Variants in GOLPH3 observed in about 807,000 individuals in gnomAD.
The protein encoded by GOLPH3 is coat protein GPP34.
GOLPH3 carries 14 observed loss-of-function variants against 28.5 expected under a neutral mutation model. The observed-to-expected ratio is 0.49, with a 90% CI of 0.32 to 0.77. The LOEUF (loss-of-function observed/expected upper bound fraction) is 0.77, where lower values mean the gene tolerates loss of function less well. GOLPH3 is among the 30% of genes least tolerant of loss of function. The pLI, the probability that GOLPH3 is intolerant of heterozygous loss-of-function variation, is 0.03. For synonymous variants in GOLPH3, 158 were observed against 159.2 expected, an observed-to-expected ratio of 0.99 and a Z score of 0.06; for missense variants, 350 against 393.7, an observed-to-expected ratio of 0.89 and a Z score of 0.94.
intron 1 of GOLPH3, chr5:32,173,601 G>C (rs1581562418): frequency 1.3e-5 from 5 of 380,642 alleles, no homozygotes; most frequent in South Asian, 1.1e-4. Context: ...CCATCTCTAC[G>C]GGGAGGATCC....
At chr5:32,151,234 T>A (rs957234901) in intron 1 of GOLPH3, among the ~76,000 whole-genome samples, 5 of 150,886 alleles carry the variant, frequency 3.3e-5, no homozygotes, top group East Asian at 2.0e-4. Flanking sequence ...TTTTTTTTTT[T>A]AATATTTTGA....
intron 2 of GOLPH3, among the ~76,000 whole-genome samples, chr5:32,142,580 G>A (rs1188450574): frequency 5.3e-4 from 70 of 132,292 alleles, no homozygotes; most frequent in African/African-American, 1.8e-3. Context: ...CCGGCCAGCC[G>A]CCCTGTCCGG....
At chr5:32,140,892 T>C (rs932661176) in intron 2 of GOLPH3, among the ~76,000 whole-genome samples, 3 of 151,792 alleles carry the variant, frequency 2.0e-5, no homozygotes, top group Admixed American at 6.6e-5. Context: ...CTGGGCATGA[T>C]AGCTCACGCC....
chr5:32,141,751 G>A (rs1156759257), intron 2 of GOLPH3, among the ~76,000 whole-genome samples: 3 of 152,140 alleles, frequency 2.0e-5, no homozygotes, highest in Non-Finnish European at 4.4e-5. Flanking sequence ...GCAGGCGCGC[G>A]CCGCCACGCC....
chr5:32,166,813 A>AG (rs1746723322), intron 1 of GOLPH3, among the ~76,000 whole-genome samples: 1 of 152,032 alleles, frequency 6.6e-6, no homozygotes, highest in African/African-American at 2.4e-5. Context: ...ATCTTAAAAA[A>AG]AAAAAAAAAG....
intron 1 of GOLPH3, among the ~76,000 whole-genome samples, chr5:32,166,807 TAAA>T (rs79462316): frequency 1.5e-5 from 2 of 135,950 alleles, no homozygotes; most frequent in African/African-American, 2.7e-5. Context: ...GACTCCATCT[TAAA>T]AAAAAAAAAA....
intron 1 of GOLPH3, among the ~76,000 whole-genome samples, chr5:32,153,276 A>G (rs1033270603): frequency 1.3e-5 from 2 of 152,216 alleles, no homozygotes; most frequent in Non-Finnish European, 2.9e-5. Flanking sequence ...GAATATACGT[A>G]TAGTTTTGCT....
intron 2 of GOLPH3, among the ~76,000 whole-genome samples, chr5:32,139,012 C>T (rs1339825634): frequency 6.6e-6 from 1 of 152,234 alleles, no homozygotes; most frequent in African/African-American, 2.4e-5. Flanking sequence ...AGCTCGCCCA[C>T]GCACATCCGT....
intron 1 of GOLPH3, among the ~76,000 whole-genome samples, chr5:32,164,484 C>G (rs1196141344): frequency 1.3e-5 from 2 of 151,898 alleles, no homozygotes; most frequent in African/African-American, 4.8e-5. Flanking sequence ...AGCTCCGCCT[C>G]CCGGGTTCAC....
chr5:32,151,781 C>A (rs1312846502), intron 1 of GOLPH3, among the ~76,000 whole-genome samples: 4 of 152,168 alleles, frequency 2.6e-5, no homozygotes. Flanking sequence ...AATTCTGATA[C>A]ACAGATCTAT....
chr5:32,126,819 C>T (rs912336891), intron 3 of GOLPH3, among the ~76,000 whole-genome samples, 183 bp from the exon 4 acceptor site: 14 of 152,162 alleles, frequency 9.2e-5, no homozygotes, highest in Non-Finnish European at 1.8e-4. Flanking sequence ...GGATTCTAAG[C>T]ACCCAGCACA....
chr5:32,154,839 C>T (rs113944078), intron 1 of GOLPH3, among the ~76,000 whole-genome samples: 9,221 of 152,180 alleles, frequency 0.061, 626 homozygotes, highest in African/African-American at 0.16. Flanking sequence ...AATCCCAGTA[C>T]TTTGGGAGGC....
At chr5:32,169,729 C>T (rs561440142) in intron 1 of GOLPH3, among the ~76,000 whole-genome samples, 34 of 152,280 alleles carry the variant, frequency 2.2e-4, no homozygotes, top group African/African-American at 7.9e-4. Context: ...GTCCCTCCCC[C>T]TCAAACACTG....
chr5:32,171,974 G>A (rs1746847407), intron 1 of GOLPH3, among the ~76,000 whole-genome samples: 1 of 151,874 alleles, frequency 6.6e-6, no homozygotes, highest in Non-Finnish European at 1.5e-5. Flanking sequence ...AAAGACAAAT[G>A]TTTATAATCA....
At chr5:32,147,499 A>C (rs1334088782) in intron 1 of GOLPH3, among the ~76,000 whole-genome samples, 1 of 152,104 alleles carries the variant, frequency 6.6e-6, no homozygotes, top group African/African-American at 2.4e-5. Context: ...AATTATTATG[A>C]AATCGTGTGT....
At chr5:32,143,944 A>G (rs1465395709) in intron 1 of GOLPH3, 64 bp from the exon 2 acceptor site, 1 of 1,160,084 alleles carries the variant, frequency 8.6e-7, no homozygotes, top group Non-Finnish European at 1.2e-6. Flanking sequence ...AGAGTAAAAA[A>G]CAGAAATATT....
At chr5:32,159,815 A>G (rs890454292) in intron 1 of GOLPH3, among the ~76,000 whole-genome samples, 4 of 152,250 alleles carry the variant, frequency 2.6e-5, no homozygotes, top group Non-Finnish European at 5.9e-5. Flanking sequence ...AGAGAAAGTA[A>G]GAAATATGAC....
chr5:32,159,929 AG>A (rs1746538627), intron 1 of GOLPH3, among the ~76,000 whole-genome samples: 1 of 152,222 alleles, frequency 6.6e-6, no homozygotes, highest in African/African-American at 2.4e-5. Context: ...TTTTAAGTTG[AG>A]GACATTTTGA....
chr5:32,171,875 G>A (rs1458111648), intron 1 of GOLPH3, among the ~76,000 whole-genome samples: 2 of 152,054 alleles, frequency 1.3e-5, no homozygotes, highest in Non-Finnish European at 2.9e-5. Context: ...TTGAACCCGG[G>A]AGGGGGAGGT....
Sources: allele counts gnomAD v4.1 joint callset (sites outside exome capture counted in the v4.1 genomes callset), GRCh38; gene constraint gnomAD v4.1.1; transcripts MANE v1.5; gene names NCBI Gene and HGNC (gene_info 2026-07-23, HGNC 2026-07-21).